SMG7: variants seen among roughly 807,000 people sequenced by gnomAD.
The protein encoded by SMG7 is nonsense-mediated mRNA decay factor SMG7.
In SMG7, 34 loss-of-function variants were observed where a neutral mutation model predicts 148.2. The ratio of observed to expected loss-of-function variants is 0.23; its 90% CI spans 0.17 to 0.31. The LOEUF (loss-of-function observed/expected upper bound fraction) is 0.31. SMG7 is among the 10% of genes least tolerant of loss of function. The probability of loss-of-function intolerance (pLI) is 1.00; values close to 1 mark genes in which losing one functional copy is unlikely to be tolerated. For missense variants in SMG7, 1,114 were observed against 1,408.4 expected (o/e 0.79, Z 3.35); for synonymous variants, 492 against 515.1 (o/e 0.96, Z 0.61).
In SMG7 at chr1:183,527,712, G is replaced by T. The variant is rs1423688216; in HGVS notation, c.485-244G>T. On this transcript the variant is annotated intron_variant, in intron 5 of 22. Coordinates refer to ENST00000688051, the MANE Select transcript of SMG7 (RefSeq NM_001375584.1). The surrounding 1 kb of genome is among the most constrained non-coding windows in gnomAD (Gnocchi z 4.0). ...GAGCTGGTGATGCATGACACTGGAG[G>T]ACCTGAAAATGGGGTCTAGGTAAGC... 1.9e-6 allele frequency: 1 copy of T among 536,174 alleles called. No individual in the cohort carries two copies. The highest frequency in any genetic ancestry group is 3.7e-6 in the Non-Finnish European group (1 of 269,936). The allele number at this position is 536,174 out of a possible 1,614,324, so 33.2% of individuals were successfully genotyped here.
chr1:183,472,786 G>C (rs1651002513), intron 1 of SMG7, 137 bp downstream of exon 1: 18 of 739,158 alleles, frequency 2.4e-5, no homozygotes, highest in Non-Finnish European at 2.9e-5. Flanking sequence ...GGCGGAGACT[G>C]CAAGGGGATC....
intron 1 of SMG7, among the ~76,000 whole-genome samples, chr1:183,483,417 G>A (rs990536461): frequency 9.2e-5 from 14 of 151,994 alleles, no homozygotes; most frequent in Non-Finnish European, 1.8e-4. Context: ...TTAGTAGTGA[G>A]GTAATCAAAG....
chr1:183,474,872 C>T (rs985878988), intron 1 of SMG7, among the ~76,000 whole-genome samples: 6 of 151,988 alleles, frequency 3.9e-5, no homozygotes, highest in African/African-American at 9.7e-5. Flanking sequence ...GATTGAGAAG[C>T]GGGGAATTCC....
intron 8 of SMG7, among the ~76,000 whole-genome samples, chr1:183,531,660 T>G (rs1165939512): frequency 6.6e-6 from 1 of 152,192 alleles, no homozygotes; most frequent in Non-Finnish European, 1.5e-5. Context: ...TTCATATTCA[T>G]TAATACTTCT....
chr1:183,525,174 G>A (rs980893158), intron 4 of SMG7, among the ~76,000 whole-genome samples: 3 of 152,188 alleles, frequency 2.0e-5, no homozygotes, highest in Non-Finnish European at 4.4e-5. Context: ...CAAAGTGAGA[G>A]GAGAAAAGCC....
At chr1:183,478,634 C>T (rs1233700239) in intron 1 of SMG7, among the ~76,000 whole-genome samples, 2 of 152,068 alleles carry the variant, frequency 1.3e-5, no homozygotes, top group African/African-American at 4.8e-5. Flanking sequence ...GATCTGGACC[C>T]ACTAGTATTG....
At chr1:183,538,476 T>A (rs1440580177) in intron 12 of SMG7, 36 bp downstream of exon 12, 4 of 1,346,154 alleles carry the variant, frequency 3.0e-6, no homozygotes, top group African/African-American at 1.4e-5. Context: ...TCATTGCCAG[T>A]GATTGCAGTA....
chr1:183,529,190 C>G, intron 7 of SMG7, 148 bp downstream of exon 7: 3 of 938,948 alleles, frequency 3.2e-6, no homozygotes, highest in East Asian at 5.1e-5. Flanking sequence ...TGTATAGTCA[C>G]TGAATTTCAT....
chr1:183,503,116 A>C (rs79403042), intron 1 of SMG7, among the ~76,000 whole-genome samples: 1 of 152,244 alleles, frequency 6.6e-6, no homozygotes, highest in Non-Finnish European at 1.5e-5. Flanking sequence ...ACCTTGGGCA[A>C]GTTATTTAAC....
Position 183,553,032 on chromosome 1 carries a change from G to A in SMG7, c.*1101G>A, listed in dbSNP as rs1276187277. 1 of 1,536,242 alleles carries A rather than the reference G, an allele frequency of 6.5e-7. No homozygotes were observed. The highest frequency in any genetic ancestry group is 8.7e-7 in the Non-Finnish European group (1 of 1,146,926). On this transcript the variant is annotated 3_prime_UTR_variant, in exon 23 of 23. Transcript: ENST00000688051. ...CCCAAAAGACAGTCTGAAGAGGAAG[G>A]AAGCAGCAGTATCTGCGTAGCCCAC... is the stretch of plus-strand genomic sequence containing the variant.
rs1443206059 is a variant in SMG7, at chr1:183,554,037, G to A, written c.*2106G>A. The A allele has an allele frequency of 6.6e-6, 1 of 152,586 alleles. No homozygotes were observed. Among genetic ancestry groups the A allele is most frequent in the Non-Finnish European group, 1.5e-5 (1 of 68,028 alleles). 9.5% of individuals were successfully genotyped at this position (152,586 alleles called of 1,614,324 possible). ...CTCACTGTGGAGTAATGAGGGGGAG[G>A]AGAATCTTTATCAGAAACTGGTTTT... is the stretch of plus-strand genomic sequence containing the variant. On this transcript the variant is annotated 3_prime_UTR_variant, in exon 23 of 23. Transcript: ENST00000688051.
rs1324335117 is a variant in SMG7 at position 183,533,189 on chromosome 1, A to C, written c.869A>C (p.Asn290Thr). The C allele has an allele frequency of 6.2e-7, 1 of 1,613,572 alleles. No individual in the cohort carries two copies. Among genetic ancestry groups the C allele is most frequent in the Non-Finnish European group, 8.5e-7 (1 of 1,179,686 alleles). Reference sequence around the variant, plus strand: ...AGGCTGCTATTCCAAAAAGCTTTCAACTCTCAGCAGTTAGTTCATGTCACT... The same window carrying C: ...AGGCTGCTATTCCAAAAAGCTTTCACCTCTCAGCAGTTAGTTCATGTCACT... ...FKRLLFQKAFNSQQLVHVTVI... is the reference protein window; with the variant it reads ...FKRLLFQKAFTSQQLVHVTVI... The change falls in exon 9 of 23, where the codon AAC (asparagine) becomes ACC (threonine). Residue 290 changes from asparagine (N) to threonine (T), a missense_variant. Asn to Thr is a moderately conservative substitution (Grantham distance 65). Around this residue, in one of 4 missense-constraint regions of SMG7, gnomAD observed 8 missense variants for 37.6 expected, o/e 0.21. Coordinates refer to ENST00000688051, the MANE Select transcript of SMG7 (RefSeq NM_001375584.1).
chr1:183,501,891 T>A (rs1016436624), intron 1 of SMG7, among the ~76,000 whole-genome samples: 1 of 152,202 alleles, frequency 6.6e-6, no homozygotes, highest in Non-Finnish European at 1.5e-5. Context: ...TTGTTTTACA[T>A]ATTTTTTCTT....
intron 3 of SMG7, among the ~76,000 whole-genome samples, chr1:183,516,654 A>G (rs1663614389): frequency 6.6e-6 from 1 of 152,208 alleles, no homozygotes; most frequent in Non-Finnish European, 1.5e-5. Context: ...TTTGTCTACT[A>G]ATGTCCGTTA....
At chr1:183,498,723 A>C (rs912445653) in intron 1 of SMG7, among the ~76,000 whole-genome samples, 6 of 152,210 alleles carry the variant, frequency 3.9e-5, no homozygotes, top group African/African-American at 1.4e-4. Context: ...CCAGAGTGGT[A>C]CATTTGTTAT....
Position 183,526,612 on chromosome 1 carries a change from G to A in SMG7, c.329G>A (p.Cys110Tyr). 6.2e-7 allele frequency: 1 copy of A among 1,611,132 alleles called. No individual in the cohort carries two copies. Among genetic ancestry groups the A allele is most frequent in the Non-Finnish European group, 8.5e-7 (1 of 1,178,414 alleles). ...GFYTQLLQEL[C>Y]TVFNVDLPCR... Reference sequence around the variant, plus strand: ...TTCTTTTAGTTATTACAAGAACTGTGTACAGTATTTAATGTAGATTTACCA... The same window carrying A: ...TTCTTTTAGTTATTACAAGAACTGTATACAGTATTTAATGTAGATTTACCA... Residue 110 changes from cysteine (C) to tyrosine (Y), a missense_variant, in exon 5 of 23, where the codon TGT becomes TAT. By Grantham distance (194) the Cys-to-Tyr change is radical. Transcript: ENST00000688051.
chr1:183,547,316 G>A (rs745313613), intron 18 of SMG7, 64 bp downstream of exon 18: 21 of 1,382,242 alleles, frequency 1.5e-5, no homozygotes, highest in Non-Finnish European at 2.0e-5. Context: ...AGATACTGTA[G>A]TACACAGATT....
At chr1:183,529,344 A>T (rs1572012480) in intron 7 of SMG7, 54 bp from the exon 8 acceptor site, 1 of 1,585,802 alleles carries the variant, frequency 6.3e-7, no homozygotes, top group East Asian at 2.2e-5. Flanking sequence ...CTCCTTAAAC[A>T]GTTGTAGCCA....
chr1:183,472,952 G>C, intron 1 of SMG7: 3 of 351,232 alleles, frequency 8.5e-6, no homozygotes, highest in Non-Finnish European at 1.0e-5. Context: ...GAGGGGTGGA[G>C]AGAAACGTCC....
Sources: allele counts gnomAD v4.1 joint callset (sites outside exome capture counted in the v4.1 genomes callset), GRCh38; gene constraint gnomAD v4.1.1; regional missense constraint gnomAD v4.1.1; non-coding constraint Gnocchi (gnomAD v3.1); transcripts MANE v1.5; gene names NCBI Gene and HGNC (gene_info 2026-07-23, HGNC 2026-07-21).